The following OPRD1 variants were observed in gnomAD, a reference collection of about 807,000 sequenced individuals.
The protein encoded by OPRD1 is delta-type opioid receptor.
In OPRD1, 19 loss-of-function variants were observed where a neutral mutation model predicts 17.5. That is an observed-to-expected ratio of 1.09 (90% CI 0.76 to 1.60). The LOEUF is 1.60. OPRD1 is among the 40% of genes most tolerant of loss of function. The probability of loss-of-function intolerance (pLI) is 0.00; values close to 1 mark genes in which losing one functional copy is unlikely to be tolerated. For missense variants in OPRD1, 483 were observed against 547.2 expected, an observed-to-expected ratio of 0.88 and a Z score of 1.17; for synonymous variants, 256 against 240.9, an observed-to-expected ratio of 1.06 and a Z score of -0.58.
At chr1:28,860,127 G>A (rs2089099765) in intron 2 of OPRD1, among the ~76,000 whole-genome samples, 1 of 152,226 alleles carries the variant, frequency 6.6e-6, no homozygotes, top group East Asian at 1.9e-4. Flanking sequence ...CATTTTGGGA[G>A]GCCAAGGCGG....
intron 1 of OPRD1, among the ~76,000 whole-genome samples, chr1:28,819,300 G>A (rs2088693622): frequency 6.6e-6 from 1 of 152,070 alleles, no homozygotes; most frequent in South Asian, 2.1e-4. Flanking sequence ...AAAAAGGAAG[G>A]AGGCAGCAGG....
chr1:28,832,285 C>T (rs1012731991), intron 1 of OPRD1, among the ~76,000 whole-genome samples: 7 of 152,068 alleles, frequency 4.6e-5, no homozygotes, highest in Non-Finnish European at 4.4e-5. Context: ...AAGAGAAGCT[C>T]TTTTGGGTCC....
At chr1:28,834,534 C>G (rs965608436) in intron 1 of OPRD1, among the ~76,000 whole-genome samples, 8 of 151,708 alleles carry the variant, frequency 5.3e-5, no homozygotes, top group African/African-American at 1.9e-4. Flanking sequence ...GTGTGTGCCA[C>G]CATGCTGGGT....
In OPRD1 at chr1:28,866,730, A is replaced by G. The variant is rs2089178133; in HGVS notation, c.*3447A>G. ...TGAGGTTTTGAAGACCTAAAACCAA[A>G]TGGAAAAATCTAAAGGAAACGAGCA... On this transcript the variant is annotated 3_prime_UTR_variant, in exon 3 of 3. Transcript: ENST00000234961. The G allele has an allele frequency of 1.3e-5, 2 of 152,246 alleles. No individual in the cohort carries two copies. The highest frequency in any genetic ancestry group is 4.8e-5 in the African/African-American group (2 of 41,460). 9.4% of individuals were successfully genotyped at this position (152,246 alleles called of 1,614,324 possible). A position where few individuals can be genotyped will look rare whatever the true frequency, so the allele number is the denominator to read the frequency against.
chr1:28,857,012 C>T (rs1489172231), intron 1 of OPRD1, among the ~76,000 whole-genome samples: 1 of 152,068 alleles, frequency 6.6e-6, no homozygotes, highest in Non-Finnish European at 1.5e-5. Flanking sequence ...CCGAGGACAC[C>T]CAGGGGGTCT....
Position 28,815,386 on chromosome 1 carries a change from G to C in OPRD1, c.227+2776G>C, listed in dbSNP as rs528876160. Among the ~76,000 whole-genome samples the C allele has an allele frequency of 4.6e-5, 7 of 152,312 alleles. No individual in the cohort carries two copies. The South Asian group carries it at 1.4e-3, about 32-fold the overall frequency. ...CTCCCAAAGTGCTGGGATTACGGGC[G>C]GAGCCATGGTGCCCGGCTGTGTCCC... On this transcript the variant is annotated intron_variant, in intron 1 of 2. Transcript: ENST00000234961.
intron 1 of OPRD1, among the ~76,000 whole-genome samples, chr1:28,813,656 AT>A (rs1557566145): frequency 6.6e-6 from 1 of 152,198 alleles, no homozygotes; most frequent in Admixed American, 6.5e-5. Flanking sequence ...GAAAATTTCC[AT>A]CTTTAAAACA....
At chr1:28,835,714 G>A (rs2088846199) in intron 1 of OPRD1, among the ~76,000 whole-genome samples, 2 of 152,224 alleles carry the variant, frequency 1.3e-5, no homozygotes, top group African/African-American at 4.8e-5. Flanking sequence ...TGGTAGATGT[G>A]CCTTGGTTTC....
rs1409675721 is a variant in OPRD1, at chr1:28,863,928, G to C, written c.*645G>C. On this transcript the variant is annotated 3_prime_UTR_variant, in exon 3 of 3. Transcript: ENST00000234961. The stretch of plus-strand genomic sequence containing the variant: ...GCCCTGAGTTCTAGCAAGGGGCAAG[G>C]CTCGCTGAGGTCCAGGTCCGACTTG... The C allele has an allele frequency of 1.3e-5, 2 of 152,406 alleles. No homozygotes were observed. Among genetic ancestry groups the C allele is most frequent in the Non-Finnish European group, 2.9e-5 (2 of 68,194 alleles). 9.4% of individuals were successfully genotyped at this position (152,406 alleles called of 1,614,324 possible).
Position 28,871,141 on chromosome 1 carries a change from G to C in OPRD1, c.*7858G>C, listed in dbSNP as rs1045903678. ...CTGCCCCAATTAGGGGCAGGGAGGC[G>C]GGCATGTAAAAAAGGAAGCTTAAAG... On this transcript the variant is annotated 3_prime_UTR_variant, in exon 3 of 3. Coordinates refer to ENST00000234961, the MANE Select transcript of OPRD1 (RefSeq NM_000911.4). The C allele has an allele frequency of 6.6e-6, 1 of 152,102 alleles. No homozygotes were observed. Among genetic ancestry groups the C allele is most frequent in the African/African-American group, 2.4e-5 (1 of 41,408 alleles). 9.4% of individuals were successfully genotyped at this position (152,102 alleles called of 1,614,324 possible).
At position 28,812,603 on chromosome 1, in the gene OPRD1, A is replaced by G; in HGVS notation, c.220A>G (p.Ile74Val). 1.3e-6 allele frequency: 2 copies of G among 1,534,018 alleles called. No homozygotes were observed. Among genetic ancestry groups the G allele is most frequent in the South Asian group, 2.4e-5 (2 of 84,554 alleles). ...LLGNVLVMFG[I>V]VRYTKMKTAT... ...GGGCAACGTGCTTGTCATGTTCGGC[A>G]TCGTCCGGTGAGTCCGCTGCGGGCC... The change falls in exon 1 of 3, where the codon ATC becomes GTC. Residue 74 changes from isoleucine to valine, a missense_variant. By Grantham distance (29) the Ile-to-Val change is conservative. Transcript: ENST00000234961.
At chr1:28,817,622 C>T (rs772293142) in intron 1 of OPRD1, among the ~76,000 whole-genome samples, 41 of 152,208 alleles carry the variant, frequency 2.7e-4, no homozygotes, top group Non-Finnish European at 4.1e-4. Flanking sequence ...TGACACAGTG[C>T]AGTGGTAAAG....
rs1162922040 is a variant in OPRD1 at position 28,864,105 on chromosome 1, CAAAAAATACAAAA to C, written c.*823_*835del. On this transcript the variant is annotated 3_prime_UTR_variant, in exon 3 of 3. Transcript: ENST00000234961. Reference sequence around the variant, plus strand: ...GGCAACATGGGAGACCCTGTCGCTACAAAAAATACAAAATTAGCCAGGCATGGTGGTGTGTACC... The same window carrying C: ...GGCAACATGGGAGACCCTGTCGCTACTTAGCCAGGCATGGTGGTGTGTACC... 6.6e-6 allele frequency: 1 copy of C among 152,112 alleles called. No homozygotes were observed. Among genetic ancestry groups the C allele is most frequent in the East Asian group, 1.9e-4 (1 of 5,182 alleles). 9.4% of individuals were successfully genotyped at this position (152,112 alleles called of 1,614,324 possible). A position where few individuals can be genotyped will look rare whatever the true frequency, so the allele number is the denominator to read the frequency against.
chr1:28,859,021 A>G lies in OPRD1; in HGVS notation c.295A>G (p.Thr99Ala). 6.2e-7 allele frequency: 1 copy of G among 1,614,122 alleles called. No homozygotes were observed. The highest frequency in any genetic ancestry group is 1.1e-5 in the South Asian group (1 of 91,090). The part of the protein sequence containing the change: ...FNLALADALA[T>A]STLPFQSAKY... Reference sequence around the variant, plus strand: ...CCTGGCCTTAGCCGATGCGCTGGCCACCAGCACGCTGCCTTTCCAGAGTGC... The same window carrying G: ...CCTGGCCTTAGCCGATGCGCTGGCCGCCAGCACGCTGCCTTTCCAGAGTGC... The change falls in exon 2 of 3, where the codon ACC (threonine) becomes GCC (alanine). Residue 99 changes from threonine to alanine, a missense_variant. Transcript: ENST00000234961.
intron 1 of OPRD1, among the ~76,000 whole-genome samples, chr1:28,814,429 G>A (rs2088656524): frequency 6.6e-6 from 1 of 152,218 alleles, no homozygotes; most frequent in African/African-American, 2.4e-5. Flanking sequence ...TCTAGATCCT[G>A]TAGAATCTGA....
intron 1 of OPRD1, among the ~76,000 whole-genome samples, chr1:28,832,551 C>T (rs2088816755): frequency 1.3e-5 from 2 of 151,560 alleles, no homozygotes; most frequent in South Asian, 2.1e-4. Context: ...CGGGAGCTGG[C>T]GGCTGCAGTG....
chr1:28,838,897 C>CT (rs202088968), intron 1 of OPRD1, among the ~76,000 whole-genome samples: 4 of 151,776 alleles, frequency 2.6e-5, no homozygotes, highest in Non-Finnish European at 5.9e-5. Context: ...TTGGGCTGCC[C>CT]TTTTTTTTGG....
chr1:28,851,980 A>G (rs489557), intron 1 of OPRD1, among the ~76,000 whole-genome samples: 70,714 of 150,240 alleles, frequency 0.47, 18,306 homozygotes, highest in East Asian at 0.87. Context: ...ATCCTGGCTA[A>G]CACAGTGAAA....
intron 1 of OPRD1, among the ~76,000 whole-genome samples, chr1:28,858,223 C>A (rs1269453582): frequency 6.6e-6 from 1 of 150,694 alleles, no homozygotes; most frequent in Non-Finnish European, 1.5e-5. Flanking sequence ...ACGCCATTCT[C>A]CTGCCTCAGC....
Sources: gnomAD v4.1 joint callset for allele counts (sites outside exome capture counted in the v4.1 genomes callset) on GRCh38, gnomAD v4.1.1 for gene constraint, MANE v1.5 for transcripts, NCBI Gene and HGNC (gene_info 2026-07-23, HGNC 2026-07-21) for gene names.